STIP1: variants seen among roughly 807,000 people sequenced by gnomAD.
The protein encoded by STIP1 is stress induced phosphoprotein 1.
Under a neutral mutation model 77.4 loss-of-function variants are expected in STIP1, and 16 were observed. That is an observed-to-expected ratio of 0.21 (90% CI 0.14 to 0.31). The LOEUF is 0.31. Ranked by LOEUF, STIP1 falls within the 10% of genes least tolerant of loss-of-function variation. The pLI is 1.00. For synonymous variants in STIP1, 258 were observed against 246.6 expected, an observed-to-expected ratio of 1.05 and a Z score of -0.44; for missense variants, 524 against 684.8, an observed-to-expected ratio of 0.77 and a Z score of 2.62.
intron 1 of STIP1, chr11:64,186,552 C>G (rs895354200): frequency 3.8e-5 from 8 of 212,836 alleles, no homozygotes; most frequent in Admixed American, 6.1e-5. Context: ...GAAGAGGGGT[C>G]GCGACCGGGC....
At chr11:64,192,888 G>T (rs1946108254) in intron 1 of STIP1, among the ~76,000 whole-genome samples, 190 bp from the exon 2 acceptor site, 1 of 152,164 alleles carries the variant, frequency 6.6e-6, no homozygotes, top group South Asian at 2.1e-4. Context: ...CTTTGCCCCT[G>T]CTTATTTTTT....
chr11:64,203,853 G>A, intron 13 of STIP1: 1 of 770,924 alleles, frequency 1.3e-6, no homozygotes, highest in Non-Finnish European at 2.1e-6. Flanking sequence ...GGTCTTGACT[G>A]GAAGCTGTGT....
At position 64,204,108 on chromosome 11, in the gene STIP1, T is replaced by A; in HGVS notation, c.1614T>A (p.Gly538=). ...AGATCCAGAAGCTGATGGATGTGGGTCTGATTGCAATTCGGTGATGACTTG... is the reference window on the plus strand; with the variant it reads ...AGATCCAGAAGCTGATGGATGTGGGACTGATTGCAATTCGGTGATGACTTG... ...AQKIQKLMDV[G]LIAIR The change falls in exon 14 of 14, where the codon GGT becomes GGA. Residue 538 remains glycine (G), a synonymous_variant. Transcript: ENST00000305218. The A allele has an allele frequency of 1.9e-6, 3 of 1,614,190 alleles. No individual in the cohort carries two copies. Among genetic ancestry groups the A allele is most frequent in the Non-Finnish European group, 2.5e-6 (3 of 1,180,036 alleles).
intron 5 of STIP1, chr11:64,196,901 G>C (rs1316151136): frequency 4.9e-6 from 1 of 205,598 alleles, no homozygotes; most frequent in African/African-American, 2.3e-5. Flanking sequence ...AAGACCCTGA[G>C]GCAACCACAA....
chr11:64,186,029 G>T, upstream of STIP1: 2 of 1,545,584 alleles, frequency 1.3e-6, no homozygotes, highest in Non-Finnish European at 1.7e-6. Flanking sequence ...AGGGTTGAGG[G>T]AATTACTCCC....
chr11:64,203,794 C>T (rs888489339), intron 13 of STIP1, 172 bp downstream of exon 13: 22 of 764,194 alleles, frequency 2.9e-5, no homozygotes, highest in Middle Eastern at 3.0e-4. Context: ...CTTTGTTAGT[C>T]GTGATAGCTT....
rs1946262630 is a variant in STIP1, at chr11:64,204,487, CGTT to C, written c.*365_*367del. The C allele has an allele frequency of 3.6e-6, 1 of 280,370 alleles. No individual in the cohort carries two copies. The highest frequency in any genetic ancestry group is 6.7e-5 in the East Asian group (1 of 14,874). 17.4% of individuals were successfully genotyped at this position (280,370 alleles called of 1,614,324 possible). On this transcript the variant is annotated 3_prime_UTR_variant, in exon 14 of 14. Coordinates refer to ENST00000305218, the MANE Select transcript of STIP1 (RefSeq NM_006819.3). ...CCAGCCTCAGGTCCCAGCTGTCTCA[CGTT>C]GTTTATTCTGCGTCCCCTTCTCCAA...
Position 64,197,838 on chromosome 11 carries a change from C to T in STIP1, c.903-16C>T. The T allele has an allele frequency of 6.2e-7, 1 of 1,610,374 alleles. No individual in the cohort carries two copies. Among genetic ancestry groups the T allele is most frequent in the Non-Finnish European group, 8.5e-7 (1 of 1,179,212 alleles). ...CTCTCTGTCCTAAGCAGTCCTTGTC[C>T]CTCTTTCTTTATCAGAGCATATGCT... On this transcript the variant is annotated splice_polypyrimidine_tract_variant and intron_variant, in intron 7 of 13. Transcript: ENST00000305218.
chr11:64,195,749 C>G lies in STIP1; in HGVS notation c.608C>G (p.Pro203Arg), dbSNP rs768117744. 3 of 1,614,090 alleles carry G rather than the reference C, an allele frequency of 1.9e-6. No individual in the cohort carries two copies. The highest frequency in any genetic ancestry group is 2.5e-6 in the Non-Finnish European group (3 of 1,180,016). ...EEEIATPPPP[P>R]PPKKETKPEP... ...GAGATTGCAACACCTCCACCACCAC[C>G]CCCTCCCAAAAAGGAGACCAAGCCA... The change falls in exon 5 of 14, where the codon CCC (proline) becomes CGC (arginine). Residue 203 changes from proline (P) to arginine (R), a missense_variant. Pro to Arg is a moderately radical substitution (Grantham distance 103, BLOSUM62 -2). Coordinates refer to ENST00000305218, the MANE Select transcript of STIP1 (RefSeq NM_006819.3).
intron 5 of STIP1, 159 bp downstream of exon 5, chr11:64,195,972 C>A: frequency 1.0e-6 from 1 of 979,426 alleles, no homozygotes. Flanking sequence ...GAACTTCTGG[C>A]CTCAAGCGAT....
At chr11:64,196,337 A>G (rs756858208) in intron 5 of STIP1, among the ~76,000 whole-genome samples, 78 of 151,280 alleles carry the variant, frequency 5.2e-4, no homozygotes, top group Non-Finnish European at 3.1e-4. Context: ...CAGAGGTTGC[A>G]ATAAGCTGAG....
chr11:64,200,413 C>T (rs1167035940), intron 10 of STIP1, 120 bp downstream of exon 10: 34 of 1,442,320 alleles, frequency 2.4e-5, no homozygotes, highest in Non-Finnish European at 3.1e-5. Flanking sequence ...CAGTGTCTCA[C>T]TCTGTCCTGC....
At chr11:64,198,671 G>A (rs890833174) in intron 8 of STIP1, among the ~76,000 whole-genome samples, 2 of 151,736 alleles carry the variant, frequency 1.3e-5, no homozygotes, top group Admixed American at 6.6e-5. Flanking sequence ...TTTAGGTAGT[G>A]GCTTTGGTCA....
intron 2 of STIP1, among the ~76,000 whole-genome samples, chr11:64,193,946 C>T (rs1191825522): frequency 6.6e-6 from 1 of 152,160 alleles, no homozygotes; most frequent in African/African-American, 2.4e-5. Flanking sequence ...AAAGTGTTGC[C>T]AAAGAAACTG....
At chr11:64,200,147 A>G (rs768541369) in intron 9 of STIP1, 22 bp from the exon 10 acceptor site, 1 of 1,609,686 alleles carries the variant, frequency 6.2e-7, no homozygotes, top group Non-Finnish European at 8.5e-7. Flanking sequence ...TTTAAAAGAC[A>G]GTCTTTGTTT....
intron 2 of STIP1, 137 bp from the exon 3 acceptor site, chr11:64,194,052 C>T: frequency 8.0e-7 from 1 of 1,246,992 alleles, no homozygotes; most frequent in Admixed American, 2.3e-5. Flanking sequence ...TAGCCTACTC[C>T]TCTCCTTTTT....
chr11:64,198,864 C>G lies in STIP1; in HGVS notation c.1023+890C>G, dbSNP rs977483146. ...AATGTTAATAGTTCTTGTAACATAA[C>G]ATTTTGACTATTTTATAAAGACTGT... is the stretch of plus-strand genomic sequence containing the variant. On this transcript the variant is annotated intron_variant, in intron 8 of 13. Coordinates refer to ENST00000305218, the MANE Select transcript of STIP1 (RefSeq NM_006819.3). Among the ~76,000 whole-genome samples, 15 of 143,706 alleles carry G rather than the reference C, an allele frequency of 1.0e-4. No homozygotes were observed. In the Admixed American group the frequency reaches 1.1e-3, roughly 11 times the overall value. The allele number at this position is 143,706 out of a possible 152,430, so 94.3% of individuals were successfully genotyped here.
In STIP1 at chr11:64,204,159, A is replaced by C; in HGVS notation, c.*33A>C. ...TTCATCCCCCCTTCCCTTCGCCCTC[A>C]TGTGGAAAGAGGAGCTGGGACCGCG... On this transcript the variant is annotated 3_prime_UTR_variant, in exon 14 of 14. Coordinates refer to ENST00000305218, the MANE Select transcript of STIP1 (RefSeq NM_006819.3). 1 of 1,612,802 alleles carries C rather than the reference A, an allele frequency of 6.2e-7. No individual in the cohort carries two copies. Among genetic ancestry groups the C allele is most frequent in the Non-Finnish European group, 8.5e-7 (1 of 1,179,106 alleles).
chr11:64,188,202 C>T (rs1946048766), intron 1 of STIP1, among the ~76,000 whole-genome samples: 1 of 151,854 alleles, frequency 6.6e-6, no homozygotes, highest in Non-Finnish European at 1.5e-5. Context: ...CAAAAATTAG[C>T]GGGTCATGGC....
Sources: gnomAD v4.1 joint callset for allele counts (sites outside exome capture counted in the v4.1 genomes callset) on GRCh38, gnomAD v4.1.1 for gene constraint, MANE v1.5 for transcripts, NCBI Gene and HGNC (gene_info 2026-07-23, HGNC 2026-07-21) for gene names.